MEF2C: variants seen among roughly 807,000 people sequenced by gnomAD.
MEF2C encodes the protein myocyte-specific enhancer factor 2C.
A neutral mutation model predicts 50.5 loss-of-function variants in MEF2C; 6 were observed. That is an observed-to-expected ratio of 0.12 (90% CI 0.07 to 0.23). The LOEUF (loss-of-function observed/expected upper bound fraction) is 0.23. MEF2C is among the 10% of genes least tolerant of loss of function. MEF2C has a pLI of 1.00. For missense variants in MEF2C, 276 were observed against 605.0 expected (o/e 0.46, Z 5.70); for synonymous variants, 183 against 228.0 (o/e 0.80, Z 1.78).
At chr5:88,806,019 T>C (rs1392036665) in intron 2 of MEF2C, among the ~76,000 whole-genome samples, 1 of 151,876 alleles carries the variant, frequency 6.6e-6, no homozygotes, top group African/African-American at 2.4e-5. Context: ...CACATTGGTA[T>C]ATGAAAGGCT....
intron 1 of MEF2C, among the ~76,000 whole-genome samples, chr5:88,872,303 T>C (rs569956861): frequency 1.4e-4 from 22 of 152,174 alleles, no homozygotes; most frequent in African/African-American, 5.1e-4. Context: ...ATTCAGAACT[T>C]TGAGTAAATG....
chr5:88,897,433 T>C (rs1835227363), intron 1 of MEF2C, among the ~76,000 whole-genome samples: 1 of 152,176 alleles, frequency 6.6e-6, no homozygotes, highest in Non-Finnish European at 1.5e-5. Context: ...AGGTCAGTGA[T>C]GATTAACTGA....
chr5:88,829,822 T>A (rs1216318184), intron 1 of MEF2C, among the ~76,000 whole-genome samples: 2 of 152,000 alleles, frequency 1.3e-5, no homozygotes, highest in Non-Finnish European at 2.9e-5. Flanking sequence ...TTGGAACTGT[T>A]GTTTCCTTGC....
intron 1 of MEF2C, among the ~76,000 whole-genome samples, chr5:88,875,132 C>T (rs1830674842): frequency 6.6e-6 from 1 of 151,920 alleles, no homozygotes; most frequent in African/African-American, 2.4e-5. Context: ...AGGAGAAGTA[C>T]AAGCTTTTAG....
chr5:88,784,924 A>G (rs1790091481), intron 3 of MEF2C, among the ~76,000 whole-genome samples: 1 of 152,140 alleles, frequency 6.6e-6, no homozygotes. Flanking sequence ...TGTATGCTGC[A>G]TAAAGGAATC....
chr5:88,782,053 CA>C (rs1788366445), intron 3 of MEF2C: 1 of 778,658 alleles, frequency 1.3e-6, no homozygotes, highest in African/African-American at 1.9e-5. Context: ...GAGAAGAGCC[CA>C]GGCAACCTAG....
intron 7 of MEF2C, among the ~76,000 whole-genome samples, chr5:88,730,549 C>T (rs1760998273): frequency 1.3e-5 from 2 of 152,106 alleles, no homozygotes; most frequent in South Asian, 2.1e-4. Context: ...GGAAGGGGAG[C>T]TACACACCTG....
chr5:88,809,068 A>G (rs1432865092), intron 2 of MEF2C, among the ~76,000 whole-genome samples: 1 of 152,122 alleles, frequency 6.6e-6, no homozygotes, highest in East Asian at 1.9e-4. Flanking sequence ...ACTACTCTGT[A>G]TGTTTTTTAT....
chr5:88,826,573 A>G (rs1331982765), intron 1 of MEF2C, among the ~76,000 whole-genome samples: 1 of 151,992 alleles, frequency 6.6e-6, no homozygotes, highest in Non-Finnish European at 1.5e-5. Flanking sequence ...TAGCTCACGC[A>G]TTGTTTTCTT....
At chr5:88,829,264 C>T (rs1206996266) in intron 1 of MEF2C, among the ~76,000 whole-genome samples, 6 of 151,886 alleles carry the variant, frequency 4.0e-5, no homozygotes, top group Non-Finnish European at 7.4e-5. Context: ...TCCTTTTGTA[C>T]CTCCTTGACT....
chr5:88,827,467 A>T (rs964433739), intron 1 of MEF2C, among the ~76,000 whole-genome samples: 1 of 152,022 alleles, frequency 6.6e-6, no homozygotes, highest in African/African-American at 2.4e-5. Flanking sequence ...TTCTCTGAGC[A>T]GAACCGTCTG....
chr5:88,785,041 C>A (rs1275232665), intron 3 of MEF2C, among the ~76,000 whole-genome samples: 1 of 152,092 alleles, frequency 6.6e-6, no homozygotes. Context: ...TACACAGATA[C>A]AAGGACCTTG....
intron 6 of MEF2C, chr5:88,733,055 A>T (rs886297432): frequency 1.0e-6 from 1 of 983,846 alleles, no homozygotes; most frequent in Non-Finnish European, 1.2e-6. Context: ...CTCATGGAAA[A>T]CATAAAGACC....
At chr5:88,769,172 G>A (rs1781306439) in intron 3 of MEF2C, among the ~76,000 whole-genome samples, 1 of 152,210 alleles carries the variant, frequency 6.6e-6, no homozygotes, top group South Asian at 2.1e-4. Context: ...AGGGAAATTT[G>A]TGAATGTGAG....
intron 1 of MEF2C, among the ~76,000 whole-genome samples, chr5:88,825,104 C>A (rs1435066529): frequency 6.6e-6 from 1 of 151,832 alleles, no homozygotes; most frequent in African/African-American, 2.4e-5. Flanking sequence ...TAAATTCCCA[C>A]ATGTATTATG....
chr5:88,870,083 A>G (rs142341532), intron 1 of MEF2C, among the ~76,000 whole-genome samples: 1 of 152,000 alleles, frequency 6.6e-6, no homozygotes, highest in African/African-American at 2.4e-5. Context: ...GAAGATATGT[A>G]TTGAAGGATT....
At chr5:88,762,389 T>G (rs1778267413) in intron 3 of MEF2C, among the ~76,000 whole-genome samples, 1 of 152,172 alleles carries the variant, frequency 6.6e-6, no homozygotes, top group African/African-American at 2.4e-5. Flanking sequence ...GTGATTCTCC[T>G]GCCTCAGCCT....
intron 4 of MEF2C, among the ~76,000 whole-genome samples, chr5:88,754,861 T>C (rs866684333): frequency 6.6e-6 from 1 of 152,246 alleles, no homozygotes; most frequent in South Asian, 2.1e-4. Context: ...ACAGGCCCTA[T>C]TAAGCTCTAG....
chr5:88,864,560 TATAAATATAC>T (rs1354599814), intron 1 of MEF2C, among the ~76,000 whole-genome samples: 1 of 151,004 alleles, frequency 6.6e-6, no homozygotes. Context: ...ATATGCATAT[TATAAATATAC>T]ATAAATACAC....
Sources: allele counts gnomAD v4.1 joint callset (sites outside exome capture counted in the v4.1 genomes callset), GRCh38; gene constraint gnomAD v4.1.1; transcripts MANE v1.5; gene names NCBI Gene and HGNC (gene_info 2026-07-23, HGNC 2026-07-21).